MRE11: variants seen among roughly 807,000 people sequenced by gnomAD.
The protein encoded by MRE11 is double-strand break repair protein MRE11.
A neutral mutation model predicts 91.7 loss-of-function variants in MRE11; 62 were observed. The ratio of observed to expected loss-of-function variants is 0.68; its 90% CI spans 0.55 to 0.84. The LOEUF (loss-of-function observed/expected upper bound fraction) is 0.84, where lower values mean the gene tolerates loss of function less well. Ranked by LOEUF, MRE11 falls within the 40% of genes least tolerant of loss-of-function variation. The pLI, the probability that MRE11 is intolerant of heterozygous loss-of-function variation, is 0.00. For synonymous variants in MRE11, 273 were observed against 271.4 expected (o/e 1.01, Z -0.06); for missense variants, 796 against 852.9 (o/e 0.93, Z 0.83).
chr11:94,503,082 C>G, the MRE11 span, among the ~76,000 whole-genome samples: 1 of 152,060 alleles, frequency 6.6e-6, no homozygotes, highest in African/African-American at 2.4e-5. Context: ...CCTGTTAAAA[C>G]TTTAGTTCAT....
intron 10 of MRE11, chr11:94,466,498 A>G (rs752282776): frequency 1.9e-6 from 1 of 532,536 alleles, no homozygotes; most frequent in South Asian, 1.4e-5. Context: ...TCTACGAAGC[A>G]TTTGGTTGGT....
Position 94,423,456 on chromosome 11 carries a change from G to A in MRE11, c.2071-3275C>T, listed in dbSNP as rs554626526. Among the ~76,000 whole-genome samples, 15 of 152,344 alleles carry A rather than the reference G, an allele frequency of 9.8e-5. No individual in the cohort carries two copies. The East Asian group carries it at 2.7e-3, about 27-fold the overall frequency. ...TTTCATATCTAAGGCAGCTGCAGCA[G>A]AAGGTGGCCATAGGCGCCCATCCCC... On this transcript the variant is annotated intron_variant, in intron 19 of 19. Transcript: ENST00000323929.
chr11:94,424,007 C>A (rs1945242114), intron 19 of MRE11, among the ~76,000 whole-genome samples: 1 of 152,154 alleles, frequency 6.6e-6, no homozygotes, highest in Admixed American at 6.5e-5. Context: ...TCTAAGGGAG[C>A]CCTGCAACCC....
At chr11:94,437,283 T>C in intron 16 of MRE11, 48 bp from the exon 17 acceptor site, 1 of 1,564,824 alleles carries the variant, frequency 6.4e-7, no homozygotes, top group Non-Finnish European at 8.8e-7. Flanking sequence ...TTAAAATAAC[T>C]TAGAAAAACT....
rs182252794 is a variant in MRE11 at position 94,435,788 on chromosome 11, A to C, written c.1994+44T>G. The C allele has an allele frequency of 9.8e-6, 15 of 1,529,110 alleles. No individual in the cohort carries two copies. The East Asian group carries it at 1.8e-4, about 18-fold the overall frequency. The allele number at this position is 1,529,110 out of a possible 1,614,324, so 94.7% of individuals were successfully genotyped here. A position where few individuals can be genotyped will look rare whatever the true frequency, so the allele number is the denominator to read the frequency against. On this transcript the variant is annotated intron_variant, in intron 18 of 19. Transcript: ENST00000323929. Reference sequence around the variant, plus strand: ...AACTTTGGAATTCTGGATAATTTTTAATTTTTTTCAGATGTTTCTTTTGCA... The same window carrying C: ...AACTTTGGAATTCTGGATAATTTTTCATTTTTTTCAGATGTTTCTTTTGCA...
upstream of MRE11, chr11:94,497,633 T>C (rs1183715224): frequency 1.3e-5 from 2 of 157,810 alleles, no homozygotes; most frequent in Non-Finnish European, 1.4e-5. Context: ...ATTAATACTT[T>C]ATTCTTCTGT....
At chr11:94,429,581 A>G (rs973848822) in intron 19 of MRE11, among the ~76,000 whole-genome samples, 1 of 152,186 alleles carries the variant, frequency 6.6e-6, no homozygotes. Context: ...ACCAAATACC[A>G]CATGTCCTCA....
chr11:94,438,579 C>G (rs1036407030), intron 16 of MRE11, among the ~76,000 whole-genome samples: 6 of 152,182 alleles, frequency 3.9e-5, no homozygotes, highest in African/African-American at 1.4e-4. Context: ...TCACTGACTC[C>G]TTTAACTCTG....
chr11:94,485,350 C>A (rs990870372), intron 4 of MRE11, among the ~76,000 whole-genome samples: 1 of 151,442 alleles, frequency 6.6e-6, no homozygotes, highest in Non-Finnish European at 1.5e-5. Context: ...AAAAGAAAAA[C>A]CAATAGATTT....
intron 4 of MRE11, among the ~76,000 whole-genome samples, chr11:94,484,606 C>A (rs1487681556): frequency 6.6e-6 from 1 of 152,136 alleles, no homozygotes; most frequent in Non-Finnish European, 1.5e-5. Context: ...AGAAACCTGG[C>A]AGAGACCAGC....
At chr11:94,465,398 T>C (rs1300519518) in intron 10 of MRE11, among the ~76,000 whole-genome samples, 3 of 146,804 alleles carry the variant, frequency 2.0e-5, no homozygotes, top group African/African-American at 7.6e-5. Flanking sequence ...TCTCTCTCTT[T>C]TTTTTTTTTT....
intron 2 of MRE11, among the ~76,000 whole-genome samples, chr11:94,491,744 TA>T (rs1338440523): frequency 6.6e-6 from 1 of 152,160 alleles, no homozygotes; most frequent in Non-Finnish European, 1.5e-5. Flanking sequence ...CTATTTTCAA[TA>T]AACCACAATG....
chr11:94,477,423 T>C (rs1030178432), intron 6 of MRE11, among the ~76,000 whole-genome samples: 2 of 152,092 alleles, frequency 1.3e-5, no homozygotes, highest in African/African-American at 2.4e-5. Flanking sequence ...TTAAATATTA[T>C]AAAAGGAGAA....
chr11:94,501,759 CAA>C, the MRE11 span, among the ~76,000 whole-genome samples: 2 of 93,626 alleles, frequency 2.1e-5, no homozygotes, highest in African/African-American at 3.2e-5. Context: ...TCACTTTGGG[CAA>C]AAAAAAAAAC....
chr11:94,487,927 G>A (rs1157292562), intron 3 of MRE11, among the ~76,000 whole-genome samples: 1 of 152,214 alleles, frequency 6.6e-6, no homozygotes, highest in Non-Finnish European at 1.5e-5. Context: ...TAGTGGGCAT[G>A]GGCCCACATA....
At chr11:94,489,547 G>C (rs116169177) in intron 3 of MRE11, among the ~76,000 whole-genome samples, 1 of 151,268 alleles carries the variant, frequency 6.6e-6, no homozygotes, top group African/African-American at 2.4e-5. Flanking sequence ...CAGAAAGATG[G>C]AAGGGGACCT....
chr11:94,418,224 C>T lies in MRE11; in HGVS notation c.*1901G>A, dbSNP rs1461677632. 3.4e-5 allele frequency: 8 copies of T among 232,892 alleles called. No homozygotes were observed. The highest frequency in any genetic ancestry group is 1.5e-4 in the African/African-American group (7 of 45,290). 14.4% of individuals were successfully genotyped at this position (232,892 alleles called of 1,614,324 possible). A position where few individuals can be genotyped will look rare whatever the true frequency, so the allele number is the denominator to read the frequency against. ...CAATCAAAAAAAGGTTTCCCTGTCA[C>T]GTTTTATTTACCATATTTTCAGGGC... On this transcript the variant is annotated 3_prime_UTR_variant, in exon 20 of 20. Transcript: ENST00000323929.
the MRE11 span, among the ~76,000 whole-genome samples, chr11:94,499,846 C>T: frequency 6.6e-6 from 1 of 152,122 alleles, no homozygotes; most frequent in Non-Finnish European, 1.5e-5. Flanking sequence ...TTCAAGCCAT[C>T]CTACGTAACC....
the MRE11 span, among the ~76,000 whole-genome samples, chr11:94,508,614 AT>A: frequency 2.0e-5 from 3 of 151,990 alleles, no homozygotes; most frequent in Non-Finnish European, 2.9e-5. Context: ...TCTAGATTCT[AT>A]TTTATTTCAT....
Sources: gnomAD v4.1 joint callset for allele counts (sites outside exome capture counted in the v4.1 genomes callset) on GRCh38, gnomAD v4.1.1 for gene constraint, MANE v1.5 for transcripts, NCBI Gene and HGNC (gene_info 2026-07-23, HGNC 2026-07-21) for gene names.